CLSTN3: variants seen among roughly 807,000 people sequenced by gnomAD.
The protein encoded by CLSTN3 is calsyntenin-3.
CLSTN3 carries 36 observed loss-of-function variants against 95.9 expected under a neutral mutation model. That is an observed-to-expected ratio of 0.38 (90% CI 0.29 to 0.50). CLSTN3 has a LOEUF of 0.50. CLSTN3 is among the 20% of genes least tolerant of loss of function. CLSTN3 has a pLI of 0.95. For synonymous variants in CLSTN3, 481 were observed against 504.0 expected (o/e 0.95, Z 0.61); for missense variants, 1,084 against 1,268.8 (o/e 0.85, Z 2.21).
chr12:7,151,537 T>G (rs757496901), intron 16 of CLSTN3, among the ~76,000 whole-genome samples: 1 of 152,234 alleles, frequency 6.6e-6, no homozygotes, highest in East Asian at 1.9e-4. Flanking sequence ...TGTAAAATTA[T>G]GTGCTACGTA....
chr12:7,141,645 C>G lies in CLSTN3; in HGVS notation c.1486+241C>G, dbSNP rs1233764698. The stretch of plus-strand genomic sequence containing the variant: ...TTAACTTCTCACGCATCCCCAGACT[C>G]TCTCTCTGTAACTCCAGCCAGTTTC... On this transcript the variant is annotated intron_variant, in intron 9 of 17. Transcript: ENST00000266546. This position sits in a 1 kb window ranked among gnomAD's most constrained non-coding sequence, Gnocchi z 4.1. 1.3e-5 allele frequency among the ~76,000 whole-genome samples: 2 copies of G among 152,222 alleles called. No homozygotes were observed. Among genetic ancestry groups the G allele is most frequent in the Non-Finnish European group, 1.5e-5 (1 of 68,042 alleles).
rs1939867530 is a variant in CLSTN3 at position 7,158,808 on chromosome 12, A to G, written c.*727A>G. On this transcript the variant is annotated 3_prime_UTR_variant, in exon 18 of 18. Transcript: ENST00000266546. ...CAGCCCATGTTCCTGCGTGCAGCTC[A>G]CGGCCTTGTGTGTATGTGTGTGTGT... The G allele has an allele frequency of 1.4e-5, 1 of 73,810 alleles. No homozygotes were observed. The highest frequency in any genetic ancestry group is 1.9e-4 in the Admixed American group (1 of 5,306). 4.6% of individuals were successfully genotyped at this position (73,810 alleles called of 1,614,324 possible). A position where few individuals can be genotyped will look rare whatever the true frequency, so the allele number is the denominator to read the frequency against.
At position 7,150,819 on chromosome 12, in the gene CLSTN3, T is replaced by C; in HGVS notation, c.2392-109T>C. The C allele has an allele frequency of 6.5e-7, 1 of 1,546,356 alleles. No individual in the cohort carries two copies. ...GAGGGCTGCTGGACCTTGCAGTGGG[T>C]GGAGGAGAAGGAGATGGGGGCAGTA... On this transcript the variant is annotated intron_variant, in intron 15 of 17. Coordinates refer to ENST00000266546, the MANE Select transcript of CLSTN3 (RefSeq NM_014718.4). This position sits in a 1 kb window ranked among gnomAD's most constrained non-coding sequence, Gnocchi z 4.0.
rs766435657 is a variant in CLSTN3 at position 7,148,978 on chromosome 12, C to G, written c.1854C>G (p.Phe618Leu). 6.2e-7 allele frequency: 1 copy of G among 1,613,842 alleles called. No homozygotes were observed. The highest frequency in any genetic ancestry group is 8.5e-7 in the Non-Finnish European group (1 of 1,179,842). Reference protein sequence around the residue: ...PLRLTTAVKCFSEESCVSIPE... With the variant: ...PLRLTTAVKCLSEESCVSIPE... ...CTCCTGCTTTCTTACATAGGTGCTT[C>G]AGCGAAGAGTCCTGCGTCTCCATCC... The change falls in exon 13 of 18, where the codon TTC (phenylalanine) becomes TTG (leucine). Residue 618 changes from phenylalanine (F) to leucine (L), a missense_variant. Transcript: ENST00000266546.
chr12:7,141,048 T>G lies in CLSTN3; in HGVS notation c.1324-194T>G, dbSNP rs1250265014. 6.6e-6 allele frequency among the ~76,000 whole-genome samples: 1 copy of G among 152,216 alleles called. No homozygotes were observed. The highest frequency in any genetic ancestry group is 1.5e-5 in the Non-Finnish European group (1 of 68,038). On this transcript the variant is annotated intron_variant, in intron 8 of 17. Transcript: ENST00000266546. The surrounding 1 kb of genome is among the most constrained non-coding windows in gnomAD (Gnocchi z 4.1). The stretch of plus-strand genomic sequence containing the variant: ...AAGAGTGGAATCTTTGCTACTAGGT[T>G]GGTTGCCTGATAGATTTTGGACAAG...
chr12:7,148,938 G>A lies in CLSTN3; in HGVS notation c.1848-34G>A, dbSNP rs80301756. On this transcript the variant is annotated intron_variant, in intron 12 of 17. Transcript: ENST00000266546. Reference sequence around the variant, plus strand: ...TGGGTTTTCGGGGAGGAAGTGTTGGGGTCACATGCTGCTTCTCCTGCTTTC... The same window carrying A: ...TGGGTTTTCGGGGAGGAAGTGTTGGAGTCACATGCTGCTTCTCCTGCTTTC... 1.9e-3 allele frequency: 2,999 copies of A among 1,575,154 alleles called. 48 individuals carry two copies. In the African/African-American group the frequency reaches 0.033, roughly 17 times the overall value.
Position 7,136,746 on chromosome 12 carries a change from A to T in CLSTN3, c.929-83A>T, listed in dbSNP as rs1939430964. 5 of 1,473,574 alleles carry T rather than the reference A, an allele frequency of 3.4e-6. No homozygotes were observed. The Admixed American group carries it at 5.5e-5, about 16-fold the overall frequency. 91.3% of individuals were successfully genotyped at this position (1,473,574 alleles called of 1,614,324 possible). ...GTGCTGTAGGAAATCTTTTCCCATC[A>T]GTCCCTCTTTCCCTGCCTCCTGCCC... On this transcript the variant is annotated intron_variant, in intron 6 of 17. Coordinates refer to ENST00000266546, the MANE Select transcript of CLSTN3 (RefSeq NM_014718.4).
Position 7,149,835 on chromosome 12 carries a change from TC to T in CLSTN3, c.2245+143del. The T allele has an allele frequency of 2.6e-6, 2 of 757,230 alleles. No homozygotes were observed. The highest frequency in any genetic ancestry group is 2.0e-5 in the South Asian group (1 of 49,262). The allele number at this position is 757,230 out of a possible 1,614,324, so 46.9% of individuals were successfully genotyped here. ...TGCATTTTCCTAGCCTGGAAGATCC[TC>T]TGGCTTTGATTGTCCCTAGGGAAGG... On this transcript the variant is annotated intron_variant, in intron 14 of 17. Coordinates refer to ENST00000266546, the MANE Select transcript of CLSTN3 (RefSeq NM_014718.4). This position sits in a 1 kb window ranked among gnomAD's most constrained non-coding sequence, Gnocchi z 4.5.
chr12:7,130,925 T>C (rs1272038431), intron 1 of CLSTN3: 6 of 609,148 alleles, frequency 9.8e-6, no homozygotes, highest in Non-Finnish European at 1.8e-5. Context: ...TCTCTACCCA[T>C]GCGTTTCTCT....
chr12:7,147,554 C>T lies in CLSTN3; in HGVS notation c.1848-1418C>T, dbSNP rs189928546. On this transcript the variant is annotated intron_variant, in intron 12 of 17. Transcript: ENST00000266546. ...TGAGATAGGGTCTCACTCTGTCGCC[C>T]AGGCTGGAGTGCAGTGGCCTGATCT... 3.1e-3 allele frequency among the ~76,000 whole-genome samples: 468 copies of T among 150,764 alleles called. 2 individuals are homozygous for T. The highest frequency in any genetic ancestry group is 0.01 in the African/African-American group (423 of 41,074).
rs770593234 is a variant in CLSTN3 at position 7,130,558 on chromosome 12, C to A, written c.-91C>A. 1.9e-6 allele frequency: 3 copies of A among 1,547,648 alleles called. No individual in the cohort carries two copies. Among genetic ancestry groups the A allele is most frequent in the South Asian group, 2.4e-5 (2 of 83,952 alleles). On this transcript the variant is annotated 5_prime_UTR_variant, in exon 1 of 18. Transcript: ENST00000266546. ...CCTGCTGTACCCCGCTCCTTGGAGA[C>A]CCCCTGTATCCCTCCCGCAAGGTGG... is the stretch of plus-strand genomic sequence containing the variant.
rs1046679603 is a variant in CLSTN3, at chr12:7,137,787, TGTGTGTGTGAGAGA to T, written c.1211-166_1211-153del. On this transcript the variant is annotated intron_variant, in intron 7 of 17. Transcript: ENST00000266546. This position sits in a 1 kb window ranked among gnomAD's most constrained non-coding sequence, Gnocchi z 4.4. ...GTGTGTGTGTGTGTGTGTGTGTGTG[TGTGTGTGTGAGAGA>T]GAGAGAGAGAGAGAGAGAGAGGAAA... Among the ~76,000 whole-genome samples the T allele has an allele frequency of 1.7e-5, 2 of 117,202 alleles. No individual in the cohort carries two copies. Among genetic ancestry groups the T allele is most frequent in the East Asian group, 5.7e-4 (2 of 3,518 alleles). 76.9% of individuals were successfully genotyped at this position (117,202 alleles called of 152,430 possible).
Position 7,142,951 on chromosome 12 carries a change from G to A in CLSTN3, c.1623G>A (p.Glu541=), listed in dbSNP as rs934555233. Residue 541 remains glutamate (E), a synonymous_variant, in exon 11 of 18, where the codon GAG becomes GAA. Coordinates refer to ENST00000266546, the MANE Select transcript of CLSTN3 (RefSeq NM_014718.4). ...SVRSGRLESR[E]VIECLYACRE... ...GCTCAGGTCGCCTGGAGAGCCGCGAGGTCATCGAGTGCCTCTATGCATGTC... is the reference window on the plus strand; with the variant it reads ...GCTCAGGTCGCCTGGAGAGCCGCGAAGTCATCGAGTGCCTCTATGCATGTC... The A allele has an allele frequency of 6.2e-7, 1 of 1,614,140 alleles. No homozygotes were observed. The highest frequency in any genetic ancestry group is 8.5e-7 in the Non-Finnish European group (1 of 1,180,022).
At position 7,130,710 on chromosome 12, in the gene CLSTN3, A is replaced by G. The variant is rs775235613; in HGVS notation, c.62A>G (p.Lys21Arg). ...ASLLASCSCN[K>R]ANKHKPWIEA... ...CTGCTCGCGTCCTGCTCCTGTAACAAAGGTGAGTGAGGTGGGGGTGGGGGT... is the reference window on the plus strand; with the variant it reads ...CTGCTCGCGTCCTGCTCCTGTAACAGAGGTGAGTGAGGTGGGGGTGGGGGT... Residue 21 changes from lysine (K) to arginine (R), a missense_variant and splice_region_variant, in exon 1 of 18, where the codon AAA (lysine) becomes AGA (arginine). Lys to Arg is a conservative substitution (Grantham distance 26, BLOSUM62 2). Coordinates refer to ENST00000266546, the MANE Select transcript of CLSTN3 (RefSeq NM_014718.4). 6.6e-7 allele frequency: 1 copy of G among 1,523,364 alleles called. No homozygotes were observed. Among genetic ancestry groups the G allele is most frequent in the Non-Finnish European group, 8.9e-7 (1 of 1,122,226 alleles). The allele number at this position is 1,523,364 out of a possible 1,614,324, so 94.4% of individuals were successfully genotyped here.
At position 7,141,644 on chromosome 12, in the gene CLSTN3, T is replaced by A. The variant is rs1055200981; in HGVS notation, c.1486+240T>A. ...ATTAACTTCTCACGCATCCCCAGACTCTCTCTCTGTAACTCCAGCCAGTTT... is the reference window on the plus strand; with the variant it reads ...ATTAACTTCTCACGCATCCCCAGACACTCTCTCTGTAACTCCAGCCAGTTT... On this transcript the variant is annotated intron_variant, in intron 9 of 17. Coordinates refer to ENST00000266546, the MANE Select transcript of CLSTN3 (RefSeq NM_014718.4). The surrounding 1 kb of genome is among the most constrained non-coding windows in gnomAD (Gnocchi z 4.1). Among the ~76,000 whole-genome samples, 1 of 152,160 alleles carries A rather than the reference T, an allele frequency of 6.6e-6. No homozygotes were observed. Among genetic ancestry groups the A allele is most frequent in the African/African-American group, 2.4e-5 (1 of 41,422 alleles).
Position 7,133,788 on chromosome 12 carries a change from C to T in CLSTN3, c.383+20C>T. ...CCACAAGTGAGGAAGTCCTTGTCTC[C>T]TGCCCCATGTGTTGCAGGGTCCTCC... On this transcript the variant is annotated intron_variant, in intron 3 of 17. Coordinates refer to ENST00000266546, the MANE Select transcript of CLSTN3 (RefSeq NM_014718.4). The surrounding 1 kb of genome is among the most constrained non-coding windows in gnomAD (Gnocchi z 4.7). 1 of 1,540,900 alleles carries T rather than the reference C, an allele frequency of 6.5e-7. No individual in the cohort carries two copies. Among genetic ancestry groups the T allele is most frequent in the East Asian group, 2.3e-5 (1 of 44,390 alleles).
At position 7,135,469 on chromosome 12, in the gene CLSTN3, C is replaced by A. The variant is rs770663115; in HGVS notation, c.526C>A (p.Gln176Lys). Residue 176 changes from glutamine to lysine, a missense_variant, in exon 4 of 18, where the codon CAG becomes AAG. By Grantham distance (53) the Gln-to-Lys change is moderately conservative (BLOSUM62 1). Coordinates refer to ENST00000266546, the MANE Select transcript of CLSTN3 (RefSeq NM_014718.4). ...VEAIDGDCSP[Q>K]YSQICYYEIL... Reference sequence around the variant, plus strand: ...AGCCATTGACGGTGACTGCTCCCCCCAGTACAGCCAGATCTGCTACTATGA... The same window carrying A: ...AGCCATTGACGGTGACTGCTCCCCCAAGTACAGCCAGATCTGCTACTATGA... 3 of 1,614,136 alleles carry A rather than the reference C, an allele frequency of 1.9e-6. No homozygotes were observed. Among genetic ancestry groups the A allele is most frequent in the Non-Finnish European group, 2.5e-6 (3 of 1,180,018 alleles).
chr12:7,137,096 A>G lies in CLSTN3; in HGVS notation c.1196A>G (p.Asn399Ser). 6.2e-7 allele frequency: 1 copy of G among 1,611,570 alleles called. No homozygotes were observed. Among genetic ancestry groups the G allele is most frequent in the Non-Finnish European group, 8.5e-7 (1 of 1,178,870 alleles). ...AAGGAAGAGGAAACCATCGTATGTA[A>G]CACTGTCCAGAATGGTGAGCCTCCC... ...GKKEEETIVC[N>S]TVQNEDGFSH... is the part of the protein sequence containing the mutation. Residue 399 changes from asparagine (N) to serine (S), a missense_variant, in exon 7 of 18, where the codon AAC becomes AGC. Transcript: ENST00000266546. The surrounding 1 kb of genome is among the most constrained non-coding windows in gnomAD (Gnocchi z 4.4).
At chr12:7,151,980 T>G (rs1336648596) in intron 16 of CLSTN3, among the ~76,000 whole-genome samples, 2 of 145,736 alleles carry the variant, frequency 1.4e-5, no homozygotes, top group Non-Finnish European at 3.0e-5. Context: ...CTTGGGCCTG[T>G]GAGGCCAAGG....
Sources: allele counts gnomAD v4.1 joint callset (sites outside exome capture counted in the v4.1 genomes callset), GRCh38; gene constraint gnomAD v4.1.1; non-coding constraint Gnocchi (gnomAD v3.1); transcripts MANE v1.5; gene names NCBI Gene and HGNC (gene_info 2026-07-23, HGNC 2026-07-21).